Variants in AFG2A observed in about 807,000 individuals in gnomAD.
AFG2A encodes the protein ATPase family gene 2 protein homolog A.
At chr4:123,143,450 A>T in the AFG2A span, among the ~76,000 whole-genome samples, 27 of 152,052 alleles carry the variant, frequency 1.8e-4, no homozygotes, top group African/African-American at 5.8e-4. Flanking sequence ...CTTTCTAGGG[A>T]TTTCCAAGAT....
At chr4:122,973,840 G>T in the AFG2A span, among the ~76,000 whole-genome samples, 2 of 152,084 alleles carry the variant, frequency 1.3e-5, no homozygotes, top group Non-Finnish European at 2.9e-5. Flanking sequence ...ACGAAGCCTG[G>T]CTAATTTTTG....
At chr4:123,122,643 G>GA in the AFG2A span, among the ~76,000 whole-genome samples, 1 of 152,070 alleles carries the variant, frequency 6.6e-6, no homozygotes, top group East Asian at 1.9e-4. Context: ...ATTAATGAAG[G>GA]AAAATACCAG....
chr4:122,969,968 G>T, the AFG2A span, among the ~76,000 whole-genome samples: 1 of 152,050 alleles, frequency 6.6e-6, no homozygotes. Context: ...TTATAATGGA[G>T]CTGAAAAATT....
At chr4:122,984,743 G>A in the AFG2A span, among the ~76,000 whole-genome samples, 1 of 152,148 alleles carries the variant, frequency 6.6e-6, no homozygotes, top group Non-Finnish European at 1.5e-5. Flanking sequence ...TTTATGTGGT[G>A]TATCACATTT....
the AFG2A span, among the ~76,000 whole-genome samples, chr4:123,101,342 A>G: frequency 6.6e-6 from 1 of 151,920 alleles, no homozygotes; most frequent in Non-Finnish European, 1.5e-5. Context: ...TATCTGGGTA[A>G]AGAAATGCTT....
the AFG2A span, among the ~76,000 whole-genome samples, chr4:123,289,196 G>A: frequency 1.3e-5 from 2 of 152,034 alleles, no homozygotes; most frequent in Non-Finnish European, 2.9e-5. Context: ...AATCTCCAGT[G>A]TCCATTATAC....
chr4:123,142,028 T>A, the AFG2A span, among the ~76,000 whole-genome samples: 9 of 152,216 alleles, frequency 5.9e-5, no homozygotes, highest in Non-Finnish European at 1.3e-4. Flanking sequence ...AACTCCTTGA[T>A]GTTTTCCTCC....
the AFG2A span, among the ~76,000 whole-genome samples, chr4:123,086,520 C>T: frequency 1.3e-5 from 2 of 151,974 alleles, no homozygotes; most frequent in Non-Finnish European, 2.9e-5. Context: ...TACATTTATT[C>T]TGCTCAGTGT....
the AFG2A span, among the ~76,000 whole-genome samples, chr4:123,094,326 C>G: frequency 6.6e-6 from 1 of 152,046 alleles, no homozygotes; most frequent in Non-Finnish European, 1.5e-5. Flanking sequence ...TGTCCAACCC[C>G]CTATTTCCCA....
the AFG2A span, among the ~76,000 whole-genome samples, chr4:123,141,730 T>C: frequency 6.6e-6 from 1 of 152,224 alleles, no homozygotes; most frequent in Non-Finnish European, 1.5e-5. Context: ...TGCAAGTTTT[T>C]TGCCCACTTT....
chr4:123,130,455 G>A, the AFG2A span, among the ~76,000 whole-genome samples: 5,579 of 152,210 alleles, frequency 0.037, 340 homozygotes, highest in African/African-American at 0.13. Flanking sequence ...CTGACCCCTG[G>A]CAACTACTGA....
chr4:123,106,944 G>A, the AFG2A span, among the ~76,000 whole-genome samples: 1 of 152,246 alleles, frequency 6.6e-6, no homozygotes, highest in Non-Finnish European at 1.5e-5. Flanking sequence ...ACAAGCTGCT[G>A]CATGGGGTGG....
At chr4:123,100,119 A>G in the AFG2A span, among the ~76,000 whole-genome samples, 8 of 152,038 alleles carry the variant, frequency 5.3e-5, no homozygotes, top group African/African-American at 1.9e-4. Context: ...TAGATGACCC[A>G]TCTGATACAC....
At chr4:123,299,037 A>G in the AFG2A span, among the ~76,000 whole-genome samples, 10 of 152,158 alleles carry the variant, frequency 6.6e-5, no homozygotes, top group Non-Finnish European at 1.3e-4. Flanking sequence ...CCTTGGAACT[A>G]CTGATGGCAA....
At chr4:123,252,890 G>A in the AFG2A span, among the ~76,000 whole-genome samples, 1 of 152,116 alleles carries the variant, frequency 6.6e-6, no homozygotes, top group Non-Finnish European at 1.5e-5. Flanking sequence ...ACTCTCTTAT[G>A]TCTGTTCTAT....
the AFG2A span, among the ~76,000 whole-genome samples, chr4:123,287,311 A>G: frequency 6.6e-6 from 1 of 152,216 alleles, no homozygotes; most frequent in Non-Finnish European, 1.5e-5. Flanking sequence ...AAGGCTGGCC[A>G]AGAGCACACT....
At chr4:123,149,891 C>G in the AFG2A span, among the ~76,000 whole-genome samples, 1 of 149,618 alleles carries the variant, frequency 6.7e-6, no homozygotes, top group South Asian at 2.1e-4. Flanking sequence ...CTGCAACCTC[C>G]GTCTCCTAGG....
the AFG2A span, among the ~76,000 whole-genome samples, chr4:123,050,752 T>C: frequency 2.0e-5 from 3 of 151,924 alleles, no homozygotes; most frequent in South Asian, 2.1e-4. Context: ...TTTTTTTTTT[T>C]TGGAGATGGA....
the AFG2A span, among the ~76,000 whole-genome samples, chr4:123,189,808 G>GCTTTTTTT: frequency 1.1e-4 from 6 of 56,502 alleles, no homozygotes; most frequent in Non-Finnish European, 1.6e-4. Flanking sequence ...AAGGTCATTT[G>GCTTTTTTT]CTTTTTTTTT....
Sources: allele counts gnomAD v4.1 joint callset (sites outside exome capture counted in the v4.1 genomes callset), GRCh38; gene constraint gnomAD v4.1.1; transcripts MANE v1.5; gene names NCBI Gene and HGNC (gene_info 2026-07-23, HGNC 2026-07-21).